SLC16A2: variants seen among roughly 807,000 people sequenced by gnomAD.
The protein encoded by SLC16A2 is monocarboxylate transporter 8.
Under a neutral mutation model 27.2 loss-of-function variants are expected in SLC16A2, and 3 were observed. The observed-to-expected ratio is 0.11, with a 90% CI of 0.05 to 0.28. The LOEUF is 0.28. SLC16A2 is among the 10% of genes least tolerant of loss of function. The probability of loss-of-function intolerance (pLI) is 1.00; values close to 1 mark genes in which losing one functional copy is unlikely to be tolerated. For synonymous variants in SLC16A2, 202 were observed against 187.8 expected (o/e 1.08, Z -0.62); for missense variants, 295 against 458.5 (o/e 0.64, Z 3.26).
intron 1 of SLC16A2, among the ~76,000 whole-genome samples, chrX:74,480,628 C>T (rs1264454273): frequency 8.9e-6 from 1 of 112,365 alleles, no homozygotes; most frequent in Non-Finnish European, 1.9e-5. Flanking sequence ...TTGGCTCCAC[C>T]CTCAAGAAAA....
chrX:74,422,754 G>A (rs1928333009), intron 1 of SLC16A2, among the ~76,000 whole-genome samples: 1 of 112,131 alleles, frequency 8.9e-6, no homozygotes, highest in African/African-American at 3.2e-5. Context: ...ATGGATCTCC[G>A]TGCCCTATGA....
chrX:74,474,478 G>GT lies in SLC16A2; in HGVS notation c.431-46499dup, dbSNP rs140763449. Among the ~76,000 whole-genome samples the GT allele has an allele frequency of 8.9e-3, 878 of 98,232 alleles. 2 individuals carry two copies. The highest frequency in any genetic ancestry group is 0.011 in the Non-Finnish European group (550 of 47,975). 85.3% of individuals were successfully genotyped at this position (98,232 alleles called of 115,157 possible). On this transcript the variant is annotated intron_variant, in intron 1 of 5. Coordinates refer to ENST00000587091, the MANE Select transcript of SLC16A2 (RefSeq NM_006517.5). Reference sequence around the variant, plus strand: ...CAGGTTTTTTTGCAGATTCCTTAGTGTTTTTTTTTTTTTATTATACTTTAA... The same window carrying GT: ...CAGGTTTTTTTGCAGATTCCTTAGTGTTTTTTTTTTTTTTATTATACTTTAA...
At chrX:74,518,159 A>C (rs1183184260) in intron 1 of SLC16A2, among the ~76,000 whole-genome samples, 1 of 112,357 alleles carries the variant, frequency 8.9e-6, no homozygotes, top group African/African-American at 3.2e-5. Flanking sequence ...GGTTTTCGGG[A>C]TCATGGTAAA....
At chrX:74,426,102 T>G (rs1313409380) in intron 1 of SLC16A2, among the ~76,000 whole-genome samples, 1 of 111,943 alleles carries the variant, frequency 8.9e-6, no homozygotes, top group East Asian at 2.8e-4. Flanking sequence ...CTTCTCACCT[T>G]AGGGGTTTTC....
intron 1 of SLC16A2, among the ~76,000 whole-genome samples, chrX:74,466,306 C>CA (rs975246416): frequency 2.7e-5 from 3 of 111,527 alleles, no homozygotes; most frequent in Non-Finnish European, 5.6e-5. Flanking sequence ...CCCTACTTAC[C>CA]ATTCCTCTGA....
At chrX:74,422,210 G>C in intron 1 of SLC16A2, 143 bp downstream of exon 1, 1 of 636,463 alleles carries the variant, frequency 1.6e-6, no homozygotes, top group South Asian at 2.5e-5. Context: ...CTTGCCCCTT[G>C]CCCCTTTCCA....
At chrX:74,520,458 T>A (rs181087440) in intron 1 of SLC16A2, among the ~76,000 whole-genome samples, 1 of 111,864 alleles carries the variant, frequency 8.9e-6, no homozygotes, top group East Asian at 2.8e-4. Context: ...TGCTTGAGTT[T>A]GAAGTCAGGA....
chrX:74,451,430 G>C (rs1201398953), intron 1 of SLC16A2, among the ~76,000 whole-genome samples: 2 of 112,554 alleles, frequency 1.8e-5, no homozygotes, highest in East Asian at 5.6e-4. Flanking sequence ...GACAATCTTT[G>C]AGGTTTGTTC....
At chrX:74,466,698 T>C (rs1929258052) in intron 1 of SLC16A2, among the ~76,000 whole-genome samples, 1 of 111,926 alleles carries the variant, frequency 8.9e-6, no homozygotes, top group Non-Finnish European at 1.9e-5. Flanking sequence ...CAAAAGATTC[T>C]GTGTAGGGTC....
chrX:74,521,300 T>A (rs1392107348), intron 2 of SLC16A2, among the ~76,000 whole-genome samples, 166 bp downstream of exon 2: 2 of 111,960 alleles, frequency 1.8e-5, no homozygotes, highest in Non-Finnish European at 3.8e-5. Flanking sequence ...TTCATCTGGG[T>A]AGGGTCCCCA....
At chrX:74,498,570 C>G (rs1929976466) in intron 1 of SLC16A2, among the ~76,000 whole-genome samples, 1 of 111,777 alleles carries the variant, frequency 8.9e-6, no homozygotes, top group Non-Finnish European at 1.9e-5. Flanking sequence ...TGAGTAATAA[C>G]TCTGTCTTCT....
chrX:74,478,126 C>G (rs1177021646), intron 1 of SLC16A2, among the ~76,000 whole-genome samples: 1 of 111,609 alleles, frequency 9.0e-6, no homozygotes, highest in Non-Finnish European at 1.9e-5. Context: ...GAGTCTAAGT[C>G]TCTTTGTAGG....
At chrX:74,472,963 G>T in intron 1 of SLC16A2, 1 of 430,630 alleles carries the variant, frequency 2.3e-6, no homozygotes, top group Non-Finnish European at 4.2e-6. Context: ...GTAACCTGTA[G>T]CTTCCCTGCC....
intron 1 of SLC16A2, among the ~76,000 whole-genome samples, chrX:74,482,752 C>T (rs1350953642): frequency 9.0e-6 from 1 of 110,498 alleles, no homozygotes; most frequent in Non-Finnish European, 1.9e-5. Context: ...GGGTGGAGTG[C>T]AGTTGTACAG....
At chrX:74,506,938 T>A (rs1327225150) in intron 1 of SLC16A2, among the ~76,000 whole-genome samples, 1 of 15,557 alleles carries the variant, frequency 6.4e-5, no homozygotes, top group African/African-American at 1.1e-4. Context: ...TATTTATTTA[T>A]TTTTTTTTTT....
chrX:74,455,364 T>C (rs1371737798), intron 1 of SLC16A2, among the ~76,000 whole-genome samples: 1 of 111,234 alleles, frequency 9.0e-6, no homozygotes, highest in Non-Finnish European at 1.9e-5. Context: ...CAGTGTAAGA[T>C]TATATAAGTG....
chrX:74,427,801 G>GCA (rs1254741159), intron 1 of SLC16A2, among the ~76,000 whole-genome samples: 2 of 71,560 alleles, frequency 2.8e-5, no homozygotes, highest in East Asian at 4.4e-3. Context: ...GCGCACGCGT[G>GCA]CACGCGCGCG....
intron 1 of SLC16A2, among the ~76,000 whole-genome samples, chrX:74,514,262 CAAA>C (rs773831242): frequency 4.5e-5 from 3 of 67,130 alleles, no homozygotes; most frequent in Admixed American, 1.7e-4. Flanking sequence ...GGAAGCAGAC[CAAA>C]AAAAAAAAAA....
intron 1 of SLC16A2, among the ~76,000 whole-genome samples, chrX:74,432,728 G>A (rs746985359): frequency 8.9e-6 from 1 of 111,769 alleles, no homozygotes; most frequent in Non-Finnish European, 1.9e-5. Flanking sequence ...TTATAGTAGA[G>A]CTTGGTTTGT....
Sources: gnomAD v4.1 joint callset for allele counts (sites outside exome capture counted in the v4.1 genomes callset) on GRCh38, gnomAD v4.1.1 for gene constraint, MANE v1.5 for transcripts, NCBI Gene and HGNC (gene_info 2026-07-23, HGNC 2026-07-21) for gene names.